PDE4D: variants seen among roughly 807,000 people sequenced by gnomAD.
PDE4D encodes the protein 3',5'-cyclic-AMP phosphodiesterase 4D.
Under a neutral mutation model 87.4 loss-of-function variants are expected in PDE4D, and 24 were observed. The ratio of observed to expected loss-of-function variants is 0.27; its 90% CI spans 0.20 to 0.39. The LOEUF is 0.39. Among genes scored for constraint, PDE4D ranks in the 10% least tolerant of loss-of-function variants. The probability of loss-of-function intolerance (pLI) is 1.00; values close to 1 mark genes in which losing one functional copy is unlikely to be tolerated. For synonymous variants in PDE4D, 384 were observed against 383.2 expected (o/e 1.00, Z -0.02); for missense variants, 714 against 1,041.0 (o/e 0.69, Z 4.32).
At chr5:60,492,012 T>C (rs1046948187), upstream of PDE4D, among the ~76,000 whole-genome samples, 3 of 151,996 alleles carry the variant, frequency 2.0e-5, no homozygotes, top group Non-Finnish European at 2.9e-5. Flanking sequence ...TTGGGAGATA[T>C]ACCTAATGCT....
intron 1 of PDE4D, among the ~76,000 whole-genome samples, chr5:59,316,772 A>G (rs570973715): frequency 6.6e-6 from 1 of 152,330 alleles, no homozygotes; most frequent in Admixed American, 6.5e-5. Flanking sequence ...ATGGCTGTGA[A>G]ACATGGCACA....
At chr5:59,292,073 C>T (rs1768148871) in intron 1 of PDE4D, among the ~76,000 whole-genome samples, 1 of 152,022 alleles carries the variant, frequency 6.6e-6, no homozygotes, top group African/African-American at 2.4e-5. Context: ...TGCCAAAATA[C>T]TCCCTGTTTT....
chr5:60,281,350 A>G (rs539123956), intron 1 of PDE4D, among the ~76,000 whole-genome samples: 42 of 120,920 alleles, frequency 3.5e-4, no homozygotes, highest in Non-Finnish European at 5.8e-4. Context: ...AGATTTCCCT[A>G]TTTCAGTAGG....
At chr5:59,990,618 G>A (rs1762914001) in intron 2 of PDE4D, among the ~76,000 whole-genome samples, 1 of 152,120 alleles carries the variant, frequency 6.6e-6, no homozygotes, top group Non-Finnish European at 1.5e-5. Context: ...GTGCTTTGAG[G>A]AATCTACTTG....
chr5:59,732,424 ACACT>A (rs1269131029), intron 1 of PDE4D, among the ~76,000 whole-genome samples: 20 of 151,670 alleles, frequency 1.3e-4, no homozygotes, highest in Non-Finnish European at 8.8e-5. Flanking sequence ...ACACACACAC[ACACT>A]CACTCACGCA....
chr5:58,990,754 G>C, intron 9 of PDE4D, 50 bp downstream of exon 9: 1 of 951,002 alleles, frequency 1.1e-6, no homozygotes, highest in Non-Finnish European at 1.6e-6. Flanking sequence ...CTACAGACTG[G>C]ACATTAAGTT....
At chr5:59,233,236 C>T (rs771945461) in intron 1 of PDE4D, among the ~76,000 whole-genome samples, 10 of 151,992 alleles carry the variant, frequency 6.6e-5, no homozygotes, top group Non-Finnish European at 1.5e-4. Flanking sequence ...AATAATTTGT[C>T]TCGGTCATTA....
At chr5:59,594,304 AT>A (rs764139163) in intron 1 of PDE4D, among the ~76,000 whole-genome samples, 3 of 132,986 alleles carry the variant, frequency 2.3e-5, no homozygotes, top group African/African-American at 9.0e-5. Context: ...TTATTTATTT[AT>A]TTATTTATTT....
chr5:59,002,270 T>C (rs1171499127), intron 6 of PDE4D, among the ~76,000 whole-genome samples: 3 of 152,160 alleles, frequency 2.0e-5, no homozygotes, highest in African/African-American at 7.2e-5. Context: ...AATAATCTTT[T>C]TAGTGTGTCA....
intron 5 of PDE4D, among the ~76,000 whole-genome samples, chr5:59,129,945 T>C (rs1776040967): frequency 6.6e-6 from 1 of 152,142 alleles, no homozygotes; most frequent in African/African-American, 2.4e-5. Flanking sequence ...GCCTAGCACA[T>C]AGGAGAAACT....
intron 1 of PDE4D, among the ~76,000 whole-genome samples, chr5:60,328,247 T>C (rs1192851597): frequency 6.6e-6 from 1 of 152,104 alleles, no homozygotes; most frequent in Non-Finnish European, 1.5e-5. Context: ...TAAATAATAA[T>C]GTTCTGGGGA....
chr5:59,701,472 T>TTTG lies in PDE4D; in HGVS notation c.455+191693_455+191695dup, dbSNP rs371041300. Among the ~76,000 whole-genome samples, 159 of 152,310 alleles carry TTTG rather than the reference T, an allele frequency of 1.0e-3. 1 individual carries two copies. The highest frequency in any genetic ancestry group is 3.7e-3 in the African/African-American group (153 of 41,572). Reference sequence around the variant, plus strand: ...TAGTACTGTAGATACCCATACAGGTTTTGTTAAATGAGTGAATGAGTGAGT... The same window carrying TTTG: ...TAGTACTGTAGATACCCATACAGGTTTTGTTGTTAAATGAGTGAATGAGTGAGT... On this transcript the variant is annotated intron_variant, in intron 1 of 14. Transcript: ENST00000340635.
chr5:59,344,305 C>T (rs540379487), intron 1 of PDE4D, among the ~76,000 whole-genome samples: 4 of 152,230 alleles, frequency 2.6e-5, no homozygotes, highest in East Asian at 1.9e-4. Context: ...AAAGGGTGAG[C>T]GAAAAATGCT....
intron 5 of PDE4D, among the ~76,000 whole-genome samples, chr5:59,059,854 T>C (rs1200883495): frequency 6.6e-6 from 1 of 152,190 alleles, no homozygotes. Context: ...GGATTATTAA[T>C]AGGCAACATT....
chr5:59,161,281 T>G (rs1781060485), intron 5 of PDE4D, among the ~76,000 whole-genome samples: 1 of 152,188 alleles, frequency 6.6e-6, no homozygotes, highest in African/African-American at 2.4e-5. Flanking sequence ...TTTTTGTACA[T>G]TTTAGGAAGA....
chr5:59,837,462 AT>A (rs368157474), intron 1 of PDE4D, among the ~76,000 whole-genome samples: 110 of 152,172 alleles, frequency 7.2e-4, no homozygotes, highest in African/African-American at 2.6e-3. Flanking sequence ...CATCTAGAAT[AT>A]ATGCTCCACT....
Position 58,988,596 on chromosome 5 carries a change from G to GA in PDE4D, c.1453-5dup. ...TCTCCAAATCTGTAAACACAGCCTG[G>GA]AAAATCAGACAATATAGATAATATT... is the stretch of plus-strand genomic sequence containing the variant. On this transcript the variant is annotated splice_polypyrimidine_tract_variant and splice_region_variant and intron_variant, in intron 10 of 14. Coordinates refer to ENST00000340635, the MANE Select transcript of PDE4D (RefSeq NM_001104631.2). 7.0e-7 allele frequency: 1 copy of GA among 1,422,066 alleles called. No individual in the cohort carries two copies. 88.1% of individuals were successfully genotyped at this position (1,422,066 alleles called of 1,614,324 possible). A position where few individuals can be genotyped will look rare whatever the true frequency, so the allele number is the denominator to read the frequency against.
intron 1 of PDE4D, among the ~76,000 whole-genome samples, chr5:59,857,470 A>T (rs1178124928): frequency 3.3e-5 from 5 of 152,128 alleles, no homozygotes; most frequent in African/African-American, 4.8e-5. Context: ...GAATACTTGA[A>T]TTTTTTCACC....
intron 1 of PDE4D, among the ~76,000 whole-genome samples, chr5:59,361,283 A>C (rs1782182316): frequency 6.6e-6 from 1 of 152,162 alleles, no homozygotes; most frequent in African/African-American, 2.4e-5. Context: ...TTTTCTAACT[A>C]TTCAAAAAAT....
Sources: gnomAD v4.1 joint callset for allele counts (sites outside exome capture counted in the v4.1 genomes callset) on GRCh38, gnomAD v4.1.1 for gene constraint, MANE v1.5 for transcripts, NCBI Gene and HGNC (gene_info 2026-07-23, HGNC 2026-07-21) for gene names.